The following MON2 variants were observed in gnomAD, a reference collection of about 807,000 sequenced individuals.
The protein encoded by MON2 is protein MON2 homolog.
A neutral mutation model predicts 208.6 loss-of-function variants in MON2; 84 were observed. The ratio of observed to expected loss-of-function variants is 0.40; its 90% CI spans 0.34 to 0.48. MON2 has a LOEUF of 0.48. MON2 is among the 20% of genes least tolerant of loss of function. MON2 has a pLI of 0.59. For missense variants in MON2, 1,611 were observed against 2,015.4 expected (o/e 0.80, Z 3.84); for synonymous variants, 660 against 694.0 (o/e 0.95, Z 0.77).
intron 7 of MON2, among the ~76,000 whole-genome samples, chr12:62,502,433 A>C (rs1206185588): frequency 6.6e-6 from 1 of 151,900 alleles, no homozygotes; most frequent in Non-Finnish European, 1.5e-5. Context: ...GAAGGAAAGA[A>C]AGATATGGAG....
intron 2 of MON2, among the ~76,000 whole-genome samples, chr12:62,485,829 G>A (rs993242864): frequency 6.6e-6 from 1 of 152,186 alleles, no homozygotes. Flanking sequence ...TCAGCCACCC[G>A]AGTAGCTGAG....
intron 34 of MON2, among the ~76,000 whole-genome samples, chr12:62,589,166 G>GT (rs1293491054): frequency 3.3e-5 from 5 of 152,222 alleles, no homozygotes; most frequent in Non-Finnish European, 7.3e-5. Flanking sequence ...GGACAAGATA[G>GT]TGAGCTGGCA....
chr12:62,497,874 C>T (rs1198359040), intron 4 of MON2, among the ~76,000 whole-genome samples: 1 of 152,136 alleles, frequency 6.6e-6, no homozygotes, highest in Admixed American at 6.5e-5. Context: ...CCTCAGCCTC[C>T]CAAAGTGCTG....
intron 2 of MON2, among the ~76,000 whole-genome samples, chr12:62,493,632 A>G (rs1341986233): frequency 6.6e-6 from 1 of 152,166 alleles, no homozygotes; most frequent in African/African-American, 2.4e-5. Context: ...TTGAAAATCC[A>G]TGTCCTAATA....
intron 29 of MON2, among the ~76,000 whole-genome samples, chr12:62,570,045 A>T (rs2074531423): frequency 6.6e-6 from 1 of 152,202 alleles, no homozygotes; most frequent in Non-Finnish European, 1.5e-5. Flanking sequence ...ACTGTTTGTC[A>T]GTGGTGCTGT....
chr12:62,540,514 G>A (rs1031122725), intron 19 of MON2, among the ~76,000 whole-genome samples: 1 of 151,966 alleles, frequency 6.6e-6, no homozygotes, highest in Non-Finnish European at 1.5e-5. Context: ...AAATATTGTA[G>A]GAAATCATGA....
intron 2 of MON2, chr12:62,489,963 C>T (rs1592849464): frequency 1.1e-6 from 1 of 932,220 alleles, no homozygotes; most frequent in Non-Finnish European, 1.4e-6. Flanking sequence ...TAAAATTTTT[C>T]ACAATAAAAC....
At chr12:62,588,911 TTAAAGG>T (rs1475440822) in intron 34 of MON2, 11 of 1,450,590 alleles carry the variant, frequency 7.6e-6, no homozygotes, top group Non-Finnish European at 9.2e-6. Flanking sequence ...TTTTAATCTC[TTAAAGG>T]TAAATAATTT....
At chr12:62,488,783 T>A (rs1480451657) in intron 2 of MON2, among the ~76,000 whole-genome samples, 1 of 152,142 alleles carries the variant, frequency 6.6e-6, no homozygotes, top group Admixed American at 6.6e-5. Context: ...AAAATTTACA[T>A]TCTTATATCA....
intron 1 of MON2, among the ~76,000 whole-genome samples, chr12:62,472,300 A>G (rs765486968): frequency 6.6e-6 from 1 of 152,210 alleles, no homozygotes; most frequent in African/African-American, 2.4e-5. Context: ...TGCATTTCAG[A>G]TTGCCCAGCA....
intron 11 of MON2, among the ~76,000 whole-genome samples, chr12:62,528,029 CTTCT>C (rs1257439421): frequency 1.3e-5 from 2 of 152,068 alleles, no homozygotes; most frequent in African/African-American, 4.8e-5. Flanking sequence ...TTAATTTTCT[CTTCT>C]TTAAGACAAG....
chr12:62,489,231 A>G (rs2069970865), intron 2 of MON2, among the ~76,000 whole-genome samples: 1 of 152,144 alleles, frequency 6.6e-6, no homozygotes, highest in South Asian at 2.1e-4. Context: ...TTTACCAACA[A>G]TAAGTGAGCA....
In MON2 at chr12:62,549,850, G is replaced by T. The variant is rs2073666431; in HGVS notation, c.2916+20G>T. On this transcript the variant is annotated intron_variant, in intron 23 of 34. Transcript: ENST00000393630. ...TTATTGGTAAGTATCATTGTCCTTA[G>T]AATATAATATAATTTAGAAATCATT... 1 of 1,446,342 alleles carries T rather than the reference G, an allele frequency of 6.9e-7. No individual in the cohort carries two copies. 89.6% of individuals were successfully genotyped at this position (1,446,342 alleles called of 1,614,324 possible). A position where few individuals can be genotyped will look rare whatever the true frequency, so the allele number is the denominator to read the frequency against.
At chr12:62,555,837 T>G (rs1168154320) in intron 24 of MON2, among the ~76,000 whole-genome samples, 157 bp from the exon 25 acceptor site, 1 of 151,496 alleles carries the variant, frequency 6.6e-6, no homozygotes, top group Non-Finnish European at 1.5e-5. Context: ...GAATGTATAA[T>G]TACTCTATTG....
intron 25 of MON2, 70 bp from the exon 26 acceptor site, chr12:62,560,421 A>T: frequency 1.4e-6 from 2 of 1,434,554 alleles, no homozygotes; most frequent in African/African-American, 2.9e-5. Context: ...ATATGCTTTC[A>T]AGTGTCTAAT....
intron 5 of MON2, among the ~76,000 whole-genome samples, chr12:62,499,968 G>A (rs1363816773): frequency 2.0e-5 from 3 of 151,850 alleles, no homozygotes; most frequent in African/African-American, 7.2e-5. Flanking sequence ...TTTTCTTGGG[G>A]AAAAATGCAG....
chr12:62,547,530 T>C (rs1168994678), intron 22 of MON2, among the ~76,000 whole-genome samples: 2 of 152,238 alleles, frequency 1.3e-5, no homozygotes, highest in African/African-American at 4.8e-5. Context: ...TCATTACTTT[T>C]TAATTTATTA....
intron 1 of MON2, among the ~76,000 whole-genome samples, chr12:62,480,831 G>T (rs141000539): frequency 7.2e-5 from 11 of 152,250 alleles, no homozygotes; most frequent in Admixed American, 2.0e-4. Flanking sequence ...ATCAATCTTG[G>T]TTTGCACCGA....
chr12:62,516,930 T>A (rs1212265060), intron 8 of MON2, among the ~76,000 whole-genome samples: 2 of 152,096 alleles, frequency 1.3e-5, no homozygotes, highest in Non-Finnish European at 2.9e-5. Context: ...ATGAAAATAA[T>A]TACAATATAG....
Sources: allele counts gnomAD v4.1 joint callset (sites outside exome capture counted in the v4.1 genomes callset), GRCh38; gene constraint gnomAD v4.1.1; transcripts MANE v1.5; gene names NCBI Gene and HGNC (gene_info 2026-07-23, HGNC 2026-07-21).